Variants in NLGN1 observed in about 807,000 individuals in gnomAD.
The protein encoded by NLGN1 is neuroligin-1.
NLGN1 carries 12 observed loss-of-function variants against 65.5 expected under a neutral mutation model. The ratio of observed to expected loss-of-function variants is 0.18; its 90% CI spans 0.12 to 0.30. The LOEUF (loss-of-function observed/expected upper bound fraction) is 0.30. NLGN1 is among the 10% of genes least tolerant of loss of function. The pLI, the probability that NLGN1 is intolerant of heterozygous loss-of-function variation, is 1.00. For synonymous variants in NLGN1, 350 were observed against 359.5 expected, an observed-to-expected ratio of 0.97 and a Z score of 0.30; for missense variants, 750 against 1,007.1, an observed-to-expected ratio of 0.74 and a Z score of 3.46.
rs557215310 is a variant in NLGN1 at position 174,211,226 on chromosome 3, C to T, written c.647-64089C>T. Among the ~76,000 whole-genome samples, 792 of 152,296 alleles carry T rather than the reference C, an allele frequency of 5.2e-3. 8 individuals are homozygous for T. Among genetic ancestry groups the T allele is most frequent in the African/African-American group, 0.015 (630 of 41,572 alleles). On this transcript the variant is annotated intron_variant, in intron 4 of 6. Coordinates refer to ENST00000457714, the Ensembl canonical transcript of NLGN1. The stretch of plus-strand genomic sequence containing the variant: ...TCCGCAGTGTGGAAGGGGACCCCAG[C>T]GGGTTGCCAATGCTGGCTCTGGCAG...
intron 4 of NLGN1, among the ~76,000 whole-genome samples, chr3:173,850,346 A>G (rs377400861): frequency 3.9e-5 from 6 of 152,164 alleles, no homozygotes; most frequent in East Asian, 1.9e-4. Context: ...ATAACATACA[A>G]TAACTACCCA....
chr3:173,456,628 G>A (rs1333309830), intron 2 of NLGN1, among the ~76,000 whole-genome samples: 1 of 152,060 alleles, frequency 6.6e-6, no homozygotes, highest in African/African-American at 2.4e-5. Flanking sequence ...TTTAATGAAG[G>A]GGCCATTTAT....
chr3:173,885,591 A>G (rs1734187127), intron 4 of NLGN1, among the ~76,000 whole-genome samples: 1 of 152,084 alleles, frequency 6.6e-6, no homozygotes, highest in Non-Finnish European at 1.5e-5. Context: ...AATAGGAATT[A>G]TGTATCTATA....
chr3:173,718,045 C>T (rs1005594879), intron 3 of NLGN1, among the ~76,000 whole-genome samples: 4 of 151,936 alleles, frequency 2.6e-5, no homozygotes, highest in Non-Finnish European at 5.9e-5. Context: ...TACATATATA[C>T]GGGGCACATG....
intron 3 of NLGN1, among the ~76,000 whole-genome samples, chr3:173,804,369 GA>G (rs1460513508): frequency 6.6e-6 from 1 of 152,046 alleles, no homozygotes; most frequent in African/African-American, 2.4e-5. Flanking sequence ...AATCTTAAGT[GA>G]AAATTCATAG....
chr3:173,490,279 A>G (rs555981906), intron 2 of NLGN1, among the ~76,000 whole-genome samples: 3 of 152,294 alleles, frequency 2.0e-5, no homozygotes, highest in Admixed American at 1.3e-4. Flanking sequence ...TGTAAGGTGT[A>G]AGGAAGGGAT....
At chr3:173,992,230 C>A (rs186273125) in intron 4 of NLGN1, among the ~76,000 whole-genome samples, 8 of 152,206 alleles carry the variant, frequency 5.3e-5, no homozygotes, top group Admixed American at 5.2e-4. Flanking sequence ...CATAAGTATA[C>A]ATATATTTTT....
intron 3 of NLGN1, among the ~76,000 whole-genome samples, chr3:173,715,618 A>G (rs1769720206): frequency 1.3e-5 from 2 of 151,934 alleles, no homozygotes; most frequent in African/African-American, 4.8e-5. Context: ...TTTTCTCTTC[A>G]TTTTCTGTCC....
chr3:174,232,215 G>A (rs1490386851), intron 4 of NLGN1, among the ~76,000 whole-genome samples: 2 of 152,098 alleles, frequency 1.3e-5, no homozygotes, highest in Non-Finnish European at 2.9e-5. Flanking sequence ...GTTCTCTGGC[G>A]GGCAGAGTGG....
chr3:173,501,032 G>C lies in NLGN1; in HGVS notation c.-321+65954G>C, dbSNP rs9853391. 9.0e-3 allele frequency among the ~76,000 whole-genome samples: 1,374 copies of C among 152,198 alleles called. 24 individuals are homozygous for C. Among genetic ancestry groups the C allele is most frequent in the African/African-American group, 0.032 (1,324 of 41,530 alleles). On this transcript the variant is annotated intron_variant, in intron 2 of 6. Transcript: ENST00000457714. ...ATCAAATGACCGTGTTAGTATCTTC[G>C]AAATTGACATCCTCCAGGTTTTTAA... is the stretch of plus-strand genomic sequence containing the variant.
chr3:174,153,005 C>T (rs1189014931), intron 4 of NLGN1, among the ~76,000 whole-genome samples: 1 of 151,996 alleles, frequency 6.6e-6, no homozygotes, highest in Non-Finnish European at 1.5e-5. Flanking sequence ...CTGATCTAGC[C>T]CTTGCCTACC....
chr3:173,565,319 G>A (rs1389887180), intron 2 of NLGN1, among the ~76,000 whole-genome samples: 1 of 152,188 alleles, frequency 6.6e-6, no homozygotes, highest in East Asian at 1.9e-4. Context: ...CAGATGTTTT[G>A]CAGTGAAGCA....
intron 2 of NLGN1, among the ~76,000 whole-genome samples, chr3:173,436,779 C>T (rs1718221631): frequency 6.6e-6 from 1 of 152,140 alleles, no homozygotes; most frequent in Non-Finnish European, 1.5e-5. Context: ...AAAACCCCAT[C>T]CCCGCCATTC....
chr3:173,654,376 A>T (rs1198424063), intron 3 of NLGN1, among the ~76,000 whole-genome samples: 1 of 152,124 alleles, frequency 6.6e-6, no homozygotes, highest in Non-Finnish European at 1.5e-5. Context: ...ATAGCATAAC[A>T]TTATACTTGT....
chr3:174,025,527 G>A (rs1443432170), intron 4 of NLGN1, among the ~76,000 whole-genome samples: 2 of 151,830 alleles, frequency 1.3e-5, no homozygotes, highest in Non-Finnish European at 2.9e-5. Context: ...TAATTTTTAG[G>A]GACTCCAAGA....
intron 4 of NLGN1, chr3:173,920,559 T>G (rs1285303029): frequency 6.6e-6 from 1 of 152,190 alleles, no homozygotes; most frequent in Non-Finnish European, 1.5e-5. Context: ...TTCAGCCACC[T>G]TCAAGCATGT....
intron 4 of NLGN1, among the ~76,000 whole-genome samples, chr3:173,834,685 C>G (rs1723244791): frequency 6.6e-6 from 1 of 152,118 alleles, no homozygotes; most frequent in Non-Finnish European, 1.5e-5. Context: ...CAATCAAATA[C>G]GTGAAGAAAT....
chr3:173,972,881 C>G (rs577754189), intron 4 of NLGN1, among the ~76,000 whole-genome samples: 1 of 152,090 alleles, frequency 6.6e-6, no homozygotes, highest in Admixed American at 6.6e-5. Flanking sequence ...ATCAGAAACT[C>G]TAGGGGTGGA....
intron 4 of NLGN1, among the ~76,000 whole-genome samples, chr3:174,110,699 T>C (rs1217522934): frequency 2.0e-5 from 3 of 152,028 alleles, no homozygotes; most frequent in African/African-American, 7.2e-5. Context: ...AAATACATAA[T>C]TCTGACCTAG....
Sources: gnomAD v4.1 joint callset for allele counts (sites outside exome capture counted in the v4.1 genomes callset) on GRCh38, gnomAD v4.1.1 for gene constraint, MANE v1.5 for transcripts, NCBI Gene and HGNC (gene_info 2026-07-23, HGNC 2026-07-21) for gene names.